Variants in SIPA1L3 observed in about 807,000 individuals in gnomAD.
The protein encoded by SIPA1L3 is signal-induced proliferation-associated 1-like protein 3.
SIPA1L3 carries 59 observed loss-of-function variants against 150.1 expected under a neutral mutation model. The ratio of observed to expected loss-of-function variants is 0.39; its 90% confidence interval spans 0.32 to 0.49. The LOEUF (loss-of-function observed/expected upper bound fraction) is 0.49. Among genes scored for constraint, SIPA1L3 ranks in the 20% least tolerant of loss-of-function variants. The pLI is 0.86. For synonymous variants in SIPA1L3, 1,070 were observed against 1,077.6 expected (o/e 0.99, Z 0.14); for missense variants, 2,211 against 2,489.5 (o/e 0.89, Z 2.38).
At chr19:38,152,577 C>A (rs1375855816) in intron 12 of SIPA1L3, among the ~76,000 whole-genome samples, 1 of 152,208 alleles carries the variant, frequency 6.6e-6, no homozygotes, top group Non-Finnish European at 1.5e-5. Context: ...GCCTCTGCCC[C>A]CTCCTTCCCT....
chr19:38,005,291 A>G (rs1370623368), intron 1 of SIPA1L3, among the ~76,000 whole-genome samples: 1 of 152,156 alleles, frequency 6.6e-6, no homozygotes, highest in Non-Finnish European at 1.5e-5. Flanking sequence ...CAGGAAGGCC[A>G]GCTCTTCAGT....
intron 6 of SIPA1L3, among the ~76,000 whole-genome samples, chr19:38,102,049 C>CT (rs552210592): frequency 0.013 from 1,810 of 137,090 alleles, 23 homozygotes; most frequent in Admixed American, 0.04. Context: ...CTTTTCTTTT[C>CT]TTTTTTTTTT....
At chr19:38,098,511 C>T (rs890144620) in intron 4 of SIPA1L3, among the ~76,000 whole-genome samples, 3 of 151,718 alleles carry the variant, frequency 2.0e-5, no homozygotes, top group Non-Finnish European at 4.4e-5. Flanking sequence ...TCTCCTGCCA[C>T]AGCCTCCTGA....
At chr19:38,115,155 C>T (rs942816173) in intron 8 of SIPA1L3, among the ~76,000 whole-genome samples, 12 of 152,234 alleles carry the variant, frequency 7.9e-5, no homozygotes, top group African/African-American at 2.6e-4. Flanking sequence ...CAGAGGGAGA[C>T]GGGAGATGTT....
chr19:38,148,595 G>A (rs1971750793), intron 12 of SIPA1L3, among the ~76,000 whole-genome samples: 1 of 152,180 alleles, frequency 6.6e-6, no homozygotes, highest in Non-Finnish European at 1.5e-5. Context: ...TCATTCACCT[G>A]TCTATTGTTT....
At chr19:38,099,118 C>G (rs1328990233) in intron 4 of SIPA1L3, among the ~76,000 whole-genome samples, 2 of 152,174 alleles carry the variant, frequency 1.3e-5, no homozygotes, top group African/African-American at 4.8e-5. Flanking sequence ...TCACTGCAAC[C>G]TCCGCCTCCT....
intron 11 of SIPA1L3, among the ~76,000 whole-genome samples, chr19:38,142,094 G>GTAGA (rs1207347744): frequency 6.6e-6 from 1 of 152,220 alleles, no homozygotes; most frequent in Non-Finnish European, 1.5e-5. Context: ...AAGCCCACAG[G>GTAGA]TAGATGTTAG....
At chr19:38,099,713 C>T (rs770087521) in intron 4 of SIPA1L3, among the ~76,000 whole-genome samples, 15 of 152,256 alleles carry the variant, frequency 9.9e-5, no homozygotes, top group Middle Eastern at 3.4e-3. Context: ...TTCAAGGTTA[C>T]GATACCATCC....
rs529017548 is a variant in SIPA1L3, at chr19:38,083,565, C to T, written c.1534+466C>T. On this transcript the variant is annotated intron_variant, in intron 3 of 21. Transcript: ENST00000222345. ...AGCAGGGAAGAAGGAAATGGAGTGTCGGAGGGTGGGGGCAGATCCCAGTGG... is the reference window on the plus strand; with the variant it reads ...AGCAGGGAAGAAGGAAATGGAGTGTTGGAGGGTGGGGGCAGATCCCAGTGG... 2.0e-5 allele frequency among the ~76,000 whole-genome samples: 3 copies of T among 149,306 alleles called. No homozygotes were observed. In the East Asian group the frequency reaches 6.0e-4, roughly 30 times the overall value.
chr19:38,184,616 C>G (rs1360623105), intron 16 of SIPA1L3: 2 of 152,248 alleles, frequency 1.3e-5, no homozygotes, highest in African/African-American at 4.8e-5. Flanking sequence ...CCTCCTCCAT[C>G]CTGTTCTTTG....
chr19:38,108,995 A>G (rs866854611), intron 7 of SIPA1L3, among the ~76,000 whole-genome samples: 15 of 152,174 alleles, frequency 9.9e-5, no homozygotes, highest in Non-Finnish European at 7.4e-5. Flanking sequence ...GTCTCCAAAA[A>G]AAAAAGAAAA....
intron 2 of SIPA1L3, among the ~76,000 whole-genome samples, chr19:38,073,394 T>C (rs1969764990): frequency 6.6e-6 from 1 of 152,168 alleles, no homozygotes; most frequent in Non-Finnish European, 1.5e-5. Flanking sequence ...TGACTAAATG[T>C]CTTCACCGTG....
intron 2 of SIPA1L3, among the ~76,000 whole-genome samples, chr19:38,065,164 C>T (rs1018054356): frequency 1.2e-4 from 19 of 152,146 alleles, no homozygotes; most frequent in African/African-American, 4.6e-4. Context: ...CCTCTATTTC[C>T]CTGGGGAATA....
intron 1 of SIPA1L3, among the ~76,000 whole-genome samples, chr19:37,953,494 G>A (rs1409446974): frequency 6.6e-6 from 1 of 152,034 alleles, no homozygotes; most frequent in Non-Finnish European, 1.5e-5. Flanking sequence ...GGTAATCACT[G>A]ACTTAGTTCA....
chr19:37,954,775 A>T (rs1415447689), intron 1 of SIPA1L3, among the ~76,000 whole-genome samples: 1 of 152,092 alleles, frequency 6.6e-6, no homozygotes, highest in Non-Finnish European at 1.5e-5. Context: ...CACGTGCCAT[A>T]AAAGTCACCC....
intron 13 of SIPA1L3, among the ~76,000 whole-genome samples, chr19:38,154,504 A>G (rs1028389105): frequency 1.3e-5 from 2 of 151,790 alleles, no homozygotes; most frequent in Non-Finnish European, 2.9e-5. Flanking sequence ...CTGGAGTGCA[A>G]TGGCACAATC....
Position 38,202,035 on chromosome 19 carries a change from G to A in SIPA1L3, c.5120+38G>A, listed in dbSNP as rs779937769. On this transcript the variant is annotated intron_variant, in intron 20 of 21. Transcript: ENST00000222345. ...TGGGAACACCCGGGTTCATACCAGC[G>A]GCAGGCCTGTGCAGTGGAAGAGGCT... 3.4e-5 allele frequency: 53 copies of A among 1,580,632 alleles called. No individual in the cohort carries two copies. The East Asian group carries it at 5.8e-4, about 17-fold the overall frequency.
intron 13 of SIPA1L3, among the ~76,000 whole-genome samples, 189 bp downstream of exon 13, chr19:38,153,156 A>G (rs1188522975): frequency 2.6e-5 from 4 of 152,234 alleles, no homozygotes; most frequent in African/African-American, 9.6e-5. Context: ...CGAGATCCTT[A>G]TCCGTCCAGA....
At chr19:38,180,408 C>T (rs909638035) in intron 15 of SIPA1L3, among the ~76,000 whole-genome samples, 13 of 151,698 alleles carry the variant, frequency 8.6e-5, no homozygotes, top group African/African-American at 2.2e-4. Context: ...GTGATCTTCC[C>T]GTCTTGGCCT....
Sources: gnomAD v4.1 joint callset for allele counts (sites outside exome capture counted in the v4.1 genomes callset) on GRCh38, gnomAD v4.1.1 for gene constraint, MANE v1.5 for transcripts, NCBI Gene and HGNC (gene_info 2026-07-23, HGNC 2026-07-21) for gene names.